The following CACNA2D1 variants were observed in gnomAD, a reference collection of about 807,000 sequenced individuals.
CACNA2D1 encodes the protein voltage-dependent calcium channel subunit alpha-2/delta-1.
Under a neutral mutation model 171.5 loss-of-function variants are expected in CACNA2D1, and 53 were observed. The ratio of observed to expected loss-of-function variants is 0.31; its 90% CI spans 0.25 to 0.39. The LOEUF is 0.39. CACNA2D1 is among the 10% of genes least tolerant of loss of function. The pLI, the probability that CACNA2D1 is intolerant of heterozygous loss-of-function variation, is 1.00. For missense variants in CACNA2D1, 903 were observed against 1,299.8 expected (o/e 0.69, Z 4.69); for synonymous variants, 442 against 443.1 (o/e 1.00, Z 0.03).
chr7:82,311,375 A>G (rs1814448850), intron 3 of CACNA2D1, among the ~76,000 whole-genome samples: 2 of 152,060 alleles, frequency 1.3e-5, no homozygotes, highest in Non-Finnish European at 1.5e-5. Context: ...AAAAAAAGAA[A>G]AAAAAAACTA....
intron 21 of CACNA2D1, among the ~76,000 whole-genome samples, chr7:81,985,258 T>C (rs912653065): frequency 7.1e-6 from 1 of 141,428 alleles, no homozygotes; most frequent in Non-Finnish European, 1.5e-5. Flanking sequence ...TGGAGTGCAG[T>C]GGTTTCGATC....
intron 3 of CACNA2D1, among the ~76,000 whole-genome samples, chr7:82,249,038 C>T (rs1053486139): frequency 2.6e-5 from 4 of 151,648 alleles, no homozygotes; most frequent in African/African-American, 7.3e-5. Context: ...AATGGCGTAA[C>T]CTGGAAAGCG....
At chr7:82,106,538 C>T (rs907336427) in intron 6 of CACNA2D1, among the ~76,000 whole-genome samples, 7 of 150,540 alleles carry the variant, frequency 4.6e-5, no homozygotes, top group Non-Finnish European at 1.0e-4. Context: ...TTTTTTTAAA[C>T]AGTAAATTTT....
At chr7:82,410,421 T>G (rs1197638793) in intron 1 of CACNA2D1, 1 of 593,296 alleles carries the variant, frequency 1.7e-6, no homozygotes, top group Non-Finnish European at 2.1e-6. Flanking sequence ...TGTACTGCTA[T>G]CTATCCAACA....
chr7:82,351,524 A>G (rs1819843902), intron 1 of CACNA2D1, among the ~76,000 whole-genome samples: 1 of 152,098 alleles, frequency 6.6e-6, no homozygotes, highest in Non-Finnish European at 1.5e-5. Context: ...GGAATACTTT[A>G]GCACATATGA....
At chr7:82,353,287 G>A (rs1820057720) in intron 1 of CACNA2D1, among the ~76,000 whole-genome samples, 1 of 152,114 alleles carries the variant, frequency 6.6e-6, no homozygotes, top group Non-Finnish European at 1.5e-5. Flanking sequence ...TGAAGGAGAG[G>A]AAGAATATGG....
chr7:82,320,240 C>T (rs1815644972), intron 3 of CACNA2D1, among the ~76,000 whole-genome samples: 1 of 152,068 alleles, frequency 6.6e-6, no homozygotes. Context: ...TTAAGTCCTA[C>T]TTACAGAACC....
chr7:82,301,464 T>C (rs1184013516), intron 3 of CACNA2D1, among the ~76,000 whole-genome samples: 1 of 152,006 alleles, frequency 6.6e-6, no homozygotes, highest in Non-Finnish European at 1.5e-5. Context: ...TGTCTTAGGG[T>C]GATCATTTTT....
chr7:81,970,559 T>G, intron 27 of CACNA2D1, 116 bp downstream of exon 27: 1 of 742,504 alleles, frequency 1.3e-6, no homozygotes, highest in Admixed American at 1.8e-5. Flanking sequence ...ATGGCTCCAA[T>G]GTAATCTAAT....
At position 81,959,366 on chromosome 7, in the gene CACNA2D1, G is replaced by T; in HGVS notation, c.3077-9C>A. 6.3e-7 allele frequency: 1 copy of T among 1,581,748 alleles called. No individual in the cohort carries two copies. The highest frequency in any genetic ancestry group is 8.7e-7 in the Non-Finnish European group (1 of 1,150,612). On this transcript the variant is annotated splice_polypyrimidine_tract_variant and intron_variant, in intron 37 of 38. Transcript: ENST00000356860. ...AGGATTTGGACCGTCAGCTAAAAGAGACTTGTTAAGGAATCTCATGTTAGT... is the reference window on the plus strand; with the variant it reads ...AGGATTTGGACCGTCAGCTAAAAGATACTTGTTAAGGAATCTCATGTTAGT...
intron 1 of CACNA2D1, among the ~76,000 whole-genome samples, chr7:82,386,111 C>G (rs1333694901): frequency 6.6e-6 from 1 of 152,094 alleles, no homozygotes; most frequent in African/African-American, 2.4e-5. Context: ...TTCTTGGAAT[C>G]CGCAAAGTGC....
intron 21 of CACNA2D1, among the ~76,000 whole-genome samples, chr7:81,987,381 T>C (rs75912163): frequency 0.017 from 2,585 of 152,256 alleles, 42 homozygotes; most frequent in Non-Finnish European, 0.022. Flanking sequence ...ACCAGATGAA[T>C]AGTATAGCCC....
chr7:82,334,388 A>G (rs771199627), intron 3 of CACNA2D1, among the ~76,000 whole-genome samples: 2 of 152,216 alleles, frequency 1.3e-5, no homozygotes, highest in Non-Finnish European at 2.9e-5. Flanking sequence ...AAAATTCAGC[A>G]GCACTATTCA....
chr7:82,233,149 T>G (rs1003962048), intron 3 of CACNA2D1, among the ~76,000 whole-genome samples: 10 of 152,120 alleles, frequency 6.6e-5, no homozygotes, highest in African/African-American at 2.4e-4. Flanking sequence ...ATAAAACTTA[T>G]TTCAGGTGAA....
At chr7:82,217,394 C>CATACATATATATATAT (rs1554466924) in intron 3 of CACNA2D1, among the ~76,000 whole-genome samples, 1 of 102,544 alleles carries the variant, frequency 9.8e-6, no homozygotes, top group African/African-American at 5.5e-5. Context: ...CACACACATA[C>CATACATATATATATAT]ATATATATAT....
chr7:81,955,989 T>G (rs1363784204), intron 38 of CACNA2D1, among the ~76,000 whole-genome samples: 22 of 123,844 alleles, frequency 1.8e-4, no homozygotes, highest in Non-Finnish European at 3.3e-4. Context: ...TATTTTTTTT[T>G]TTTTTTTTTT....
At chr7:82,282,000 T>C (rs192706338) in intron 3 of CACNA2D1, among the ~76,000 whole-genome samples, 2 of 152,148 alleles carry the variant, frequency 1.3e-5, no homozygotes, top group East Asian at 3.9e-4. Context: ...GTGCCAAAGC[T>C]AAATCTAATC....
At chr7:82,277,353 C>G (rs888270566) in intron 3 of CACNA2D1, among the ~76,000 whole-genome samples, 1 of 152,034 alleles carries the variant, frequency 6.6e-6, no homozygotes, top group Non-Finnish European at 1.5e-5. Context: ...AGGTGCCCAC[C>G]ACCACGCCCA....
At chr7:82,274,003 T>C (rs1478869470) in intron 3 of CACNA2D1, among the ~76,000 whole-genome samples, 2 of 152,176 alleles carry the variant, frequency 1.3e-5, no homozygotes, top group Non-Finnish European at 2.9e-5. Flanking sequence ...ACTGCTGTTC[T>C]AGAAGACCAT....
Sources: allele counts gnomAD v4.1 joint callset (sites outside exome capture counted in the v4.1 genomes callset), GRCh38; gene constraint gnomAD v4.1.1; transcripts MANE v1.5; gene names NCBI Gene and HGNC (gene_info 2026-07-23, HGNC 2026-07-21).